Variants in RIMS4 observed in about 807,000 individuals in gnomAD.
RIMS4 encodes the protein regulating synaptic membrane exocytosis 4, also known as regulating synaptic membrane exocytosis protein 4.
Under a neutral mutation model 29.0 loss-of-function variants are expected in RIMS4, and 9 were observed. That is an observed-to-expected ratio of 0.31 (90% CI 0.19 to 0.54). RIMS4 has a LOEUF of 0.54. Among genes scored for constraint, RIMS4 ranks in the 20% least tolerant of loss-of-function variants. The probability of loss-of-function intolerance (pLI) is 0.94; values close to 1 mark genes in which losing one functional copy is unlikely to be tolerated. For synonymous variants in RIMS4, 130 were observed against 152.9 expected (o/e 0.85, Z 1.10); for missense variants, 193 against 365.7 (o/e 0.53, Z 3.85).
At chr20:44,762,415 A>G (rs112768875) in intron 2 of RIMS4, among the ~76,000 whole-genome samples, 1 of 152,100 alleles carries the variant, frequency 6.6e-6, no homozygotes, top group African/African-American at 2.4e-5. Flanking sequence ...TTTTGTAAGG[A>G]GTGTCTGGGC....
At chr20:44,758,015 T>A in intron 3 of RIMS4, 57 bp downstream of exon 3, 1 of 1,294,478 alleles carries the variant, frequency 7.7e-7, no homozygotes, top group South Asian at 1.3e-5. Flanking sequence ...GACGCTGAGC[T>A]TCTGGTGTGA....
intron 1 of RIMS4, among the ~76,000 whole-genome samples, chr20:44,784,657 C>T (rs576483728): frequency 2.2e-4 from 34 of 152,388 alleles, no homozygotes; most frequent in South Asian, 1.0e-3. Flanking sequence ...ACATGCTTAA[C>T]GCACGCTGGG....
intron 1 of RIMS4, among the ~76,000 whole-genome samples, chr20:44,788,913 A>G (rs1568903684): frequency 6.6e-6 from 1 of 152,182 alleles, no homozygotes; most frequent in South Asian, 2.1e-4. Context: ...AGCACTCAAT[A>G]AAAATGTCTT....
chr20:44,777,141 G>A (rs2066163623), intron 1 of RIMS4, among the ~76,000 whole-genome samples: 1 of 152,186 alleles, frequency 6.6e-6, no homozygotes, highest in African/African-American at 2.4e-5. Context: ...CCTAGTCGAT[G>A]TCAGTGTTTA....
At chr20:44,781,920 C>T (rs761520886) in intron 1 of RIMS4, among the ~76,000 whole-genome samples, 6 of 152,320 alleles carry the variant, frequency 3.9e-5, no homozygotes, top group Non-Finnish European at 7.3e-5. Context: ...ACCTATACTA[C>T]AAGTCTGCCA....
chr20:44,768,530 A>C (rs2066123484), intron 2 of RIMS4, among the ~76,000 whole-genome samples: 2 of 152,224 alleles, frequency 1.3e-5, no homozygotes, highest in African/African-American at 4.8e-5. Flanking sequence ...CTACAGAACA[A>C]GAAGTCTGAC....
chr20:44,756,587 T>C lies in RIMS4; in HGVS notation c.592-235A>G, dbSNP rs565581948. 6.6e-6 allele frequency among the ~76,000 whole-genome samples: 1 copy of C among 152,334 alleles called. No homozygotes were observed. The highest frequency in any genetic ancestry group is 6.5e-5 in the Admixed American group (1 of 15,312). On this transcript the variant is annotated intron_variant, in intron 5 of 5. Transcript: ENST00000372851. This position sits in a 1 kb window ranked among gnomAD's most constrained non-coding sequence, Gnocchi z 5.9. ...CGATGGTAATGGGTAGAACACTTGCTGTAGGCAAAACTGCAAATACTTTTC... is the reference window on the plus strand; with the variant it reads ...CGATGGTAATGGGTAGAACACTTGCCGTAGGCAAAACTGCAAATACTTTTC...
At chr20:44,763,177 G>C (rs2145446995) in intron 2 of RIMS4, among the ~76,000 whole-genome samples, 1 of 152,352 alleles carries the variant, frequency 6.6e-6, no homozygotes, top group South Asian at 2.1e-4. Flanking sequence ...ATAAAGGATG[G>C]AGTGAAGACT....
chr20:44,793,598 G>A (rs2066242184), intron 1 of RIMS4, among the ~76,000 whole-genome samples: 1 of 152,220 alleles, frequency 6.6e-6, no homozygotes, highest in African/African-American at 2.4e-5. Context: ...GACCCTGAAA[G>A]CTGACTCAGG....
At chr20:44,810,044 C>T (rs1601052632) in intron 1 of RIMS4, 131 bp downstream of exon 1, 1 of 375,354 alleles carries the variant, frequency 2.7e-6, no homozygotes, top group South Asian at 2.5e-5. Context: ...CCCGTGGGTG[C>T]GGAAGGAGAC....
chr20:44,810,522 C>CGGCGGCGGCGGCGGCGGCGGCGGCGGT lies in RIMS4; in HGVS notation c.-252_-251insACCGCCGCCGCCGCCGCCGCCGCCGCC. Among the ~76,000 whole-genome samples the CGGCGGCGGCGGCGGCGGCGGCGGCGGT allele has an allele frequency of 1.4e-5, 2 of 143,628 alleles. No individual in the cohort carries two copies. The highest frequency in any genetic ancestry group is 5.0e-5 in the African/African-American group (2 of 40,258). 94.2% of individuals were successfully genotyped at this position (143,628 alleles called of 152,430 possible). On this transcript the variant is annotated 5_prime_UTR_variant, in exon 1 of 6. Coordinates refer to ENST00000372851, the MANE Select transcript of RIMS4 (RefSeq NM_182970.4). ...GCGGCGGCGGCGGCGGCGGTGGCGG[C>CGGCGGCGGCGGCGGCGGCGGCGGCGGT]GGCGGTGGCGGCGCAGCGCGCTCTG...
At chr20:44,771,082 G>C (rs1032038387) in intron 2 of RIMS4, among the ~76,000 whole-genome samples, 193 bp downstream of exon 2, 1 of 152,208 alleles carries the variant, frequency 6.6e-6, no homozygotes, top group Non-Finnish European at 1.5e-5. Flanking sequence ...TCCAAGCAGC[G>C]GGGCTCGCTC....
Position 44,756,149 on chromosome 20 carries a change from G to A in RIMS4, c.795C>T (p.Cys265=), listed in dbSNP as rs967719355. The stretch of plus-strand genomic sequence containing the variant: ...CATTCCAGCACTAAGATCGTTCTCC[G>A]CAGGGCCCCACGGTGCTCTCGAGGG... ...QLSLESTVGP[C]GERS Residue 265 remains cysteine, a synonymous_variant, in exon 6 of 6, where the codon TGC becomes TGT. Coordinates refer to ENST00000372851, the MANE Select transcript of RIMS4 (RefSeq NM_182970.4). The surrounding 1 kb of genome is among the most constrained non-coding windows in gnomAD (Gnocchi z 5.9). The A allele has an allele frequency of 1.9e-5, 31 of 1,608,054 alleles. No individual in the cohort carries two copies. Among genetic ancestry groups the A allele is most frequent in the East Asian group, 8.9e-5 (4 of 44,798 alleles).
chr20:44,766,082 G>A (rs1216495685), intron 2 of RIMS4, among the ~76,000 whole-genome samples: 5 of 152,200 alleles, frequency 3.3e-5, no homozygotes, highest in Admixed American at 2.6e-4. Flanking sequence ...CACTGTGGTG[G>A]GGGAGGGACA....
rs560892714 is a variant in RIMS4, at chr20:44,797,638, CT to C, written c.97+12536del. 5.9e-5 allele frequency among the ~76,000 whole-genome samples: 9 copies of C among 152,264 alleles called. No individual in the cohort carries two copies. The East Asian group carries it at 1.7e-3, about 29-fold the overall frequency. ...TTGCCCTAATACTTGTACTTGATTC[CT>C]TGTGTCAGGCTCTGTTCTGGGAAAA... On this transcript the variant is annotated intron_variant, in intron 1 of 5. Transcript: ENST00000372851.
chr20:44,802,363 G>A (rs571653745), intron 1 of RIMS4, among the ~76,000 whole-genome samples: 43 of 152,186 alleles, frequency 2.8e-4, no homozygotes, highest in African/African-American at 1.0e-3. Context: ...TTACAGATGC[G>A]GACATTGAAC....
chr20:44,781,802 C>G (rs1049053565), intron 1 of RIMS4, among the ~76,000 whole-genome samples: 10 of 152,190 alleles, frequency 6.6e-5, no homozygotes, highest in African/African-American at 2.2e-4. Flanking sequence ...GCTAAACAAG[C>G]CTTGGAAGGA....
chr20:44,760,117 G>A (rs1171697289), intron 2 of RIMS4, among the ~76,000 whole-genome samples: 1 of 152,214 alleles, frequency 6.6e-6, no homozygotes, highest in Non-Finnish European at 1.5e-5. Flanking sequence ...CCCCGAAACA[G>A]ACAAACCCTC....
At chr20:44,778,917 T>C (rs528147818) in intron 1 of RIMS4, among the ~76,000 whole-genome samples, 1 of 152,322 alleles carries the variant, frequency 6.6e-6, no homozygotes, top group East Asian at 1.9e-4. Flanking sequence ...CACCAGAGTG[T>C]CCTCTTCTGC....
Sources: allele counts gnomAD v4.1 joint callset (sites outside exome capture counted in the v4.1 genomes callset), GRCh38; gene constraint gnomAD v4.1.1; non-coding constraint Gnocchi (gnomAD v3.1); transcripts MANE v1.5; gene names NCBI Gene and HGNC (gene_info 2026-07-23, HGNC 2026-07-21).